CCSER1: variants seen among roughly 807,000 people sequenced by gnomAD.
The protein encoded by CCSER1 is serine-rich coiled-coil domain-containing protein 1.
Under a neutral mutation model 82.0 loss-of-function variants are expected in CCSER1, and 41 were observed. The ratio of observed to expected loss-of-function variants is 0.50; its 90% CI spans 0.39 to 0.65. The LOEUF (loss-of-function observed/expected upper bound fraction) is 0.65. Ranked by LOEUF, CCSER1 falls within the 30% of genes least tolerant of loss-of-function variation. The pLI, the probability that CCSER1 is intolerant of heterozygous loss-of-function variation, is 0.00. For missense variants in CCSER1, 1,119 were observed against 1,064.2 expected, an observed-to-expected ratio of 1.05 and a Z score of -0.72; for synonymous variants, 414 against 383.9, an observed-to-expected ratio of 1.08 and a Z score of -0.92.
chr4:90,868,122 A>G (rs1765971180), intron 8 of CCSER1, among the ~76,000 whole-genome samples: 1 of 152,100 alleles, frequency 6.6e-6, no homozygotes, highest in Admixed American at 6.6e-5. Context: ...TGATATAGGC[A>G]TGCAGTGTAT....
At chr4:91,287,170 A>C (rs1425204048) in intron 10 of CCSER1, among the ~76,000 whole-genome samples, 1 of 151,874 alleles carries the variant, frequency 6.6e-6, no homozygotes, top group African/African-American at 2.4e-5. Context: ...CAATTTTTAA[A>C]TTCAGAATTC....
At chr4:91,558,409 G>T (rs150616139) in intron 10 of CCSER1, among the ~76,000 whole-genome samples, 1 of 151,756 alleles carries the variant, frequency 6.6e-6, no homozygotes, top group East Asian at 1.9e-4. Context: ...AAATATTGCT[G>T]TAACAATGTG....
At chr4:90,914,671 C>CA (rs1466659707) in intron 8 of CCSER1, among the ~76,000 whole-genome samples, 4 of 125,442 alleles carry the variant, frequency 3.2e-5, no homozygotes, top group Non-Finnish European at 6.7e-5. Context: ...AATAGAGACA[C>CA]AAAAAACCCT....
chr4:90,997,924 C>T (rs1291577192), intron 9 of CCSER1, among the ~76,000 whole-genome samples: 2 of 152,058 alleles, frequency 1.3e-5, no homozygotes, highest in African/African-American at 4.8e-5. Flanking sequence ...TATTGAAGTC[C>T]AGCTCTGTAA....
chr4:90,268,542 CA>C (rs1158913903), intron 1 of CCSER1, among the ~76,000 whole-genome samples: 2 of 151,664 alleles, frequency 1.3e-5, no homozygotes, highest in Non-Finnish European at 2.9e-5. Flanking sequence ...AAAAATAAAA[CA>C]GATACACAAA....
At chr4:90,445,427 G>T (rs1464480367) in intron 4 of CCSER1, among the ~76,000 whole-genome samples, 1 of 152,008 alleles carries the variant, frequency 6.6e-6, no homozygotes, top group East Asian at 1.9e-4. Flanking sequence ...GATCTTTGTG[G>T]ACTGGGAGTC....
intron 10 of CCSER1, among the ~76,000 whole-genome samples, chr4:91,546,589 CTCT>C (rs1761902794): frequency 6.6e-6 from 1 of 151,760 alleles, no homozygotes; most frequent in Non-Finnish European, 1.5e-5. Context: ...ATTATGCCAC[CTCT>C]TCTATTTCTA....
chr4:90,622,097 G>T (rs1722423995), intron 5 of CCSER1, among the ~76,000 whole-genome samples: 1 of 152,168 alleles, frequency 6.6e-6, no homozygotes, highest in Non-Finnish European at 1.5e-5. Flanking sequence ...ACATGAGGTG[G>T]AGTGTAGATC....
intron 9 of CCSER1, among the ~76,000 whole-genome samples, chr4:90,963,174 A>C (rs901333925): frequency 6.6e-6 from 1 of 152,122 alleles, no homozygotes; most frequent in South Asian, 2.1e-4. Flanking sequence ...AGATTAGTCT[A>C]TTTAAAGGCG....
chr4:90,832,255 A>G (rs1580690980), intron 8 of CCSER1, among the ~76,000 whole-genome samples: 1 of 152,236 alleles, frequency 6.6e-6, no homozygotes, highest in South Asian at 2.1e-4. Flanking sequence ...ATGTCTGCAA[A>G]TGAAGAGAAA....
intron 6 of CCSER1, among the ~76,000 whole-genome samples, chr4:90,646,970 A>G (rs561921436): frequency 1.3e-5 from 2 of 151,860 alleles, no homozygotes; most frequent in African/African-American, 4.8e-5. Flanking sequence ...ACCCCAACAC[A>G]CATCCTTTTC....
rs1249822514 is a variant in CCSER1, at chr4:91,086,003, G to A, written c.2217+9G>A. On this transcript the variant is annotated intron_variant, in intron 10 of 10. Transcript: ENST00000509176. ...TACAAGGAGGGAGAGAGGTAAGAAT[G>A]TTTAAAGAAGAGGGGTGGGAAAAAG... The A allele has an allele frequency of 2.3e-5, 34 of 1,482,062 alleles. No individual in the cohort carries two copies. The highest frequency in any genetic ancestry group is 3.0e-5 in the Non-Finnish European group (33 of 1,084,216). The allele number at this position is 1,482,062 out of a possible 1,614,324, so 91.8% of individuals were successfully genotyped here.
chr4:91,046,500 T>C (rs1742499616), intron 9 of CCSER1, among the ~76,000 whole-genome samples: 1 of 152,148 alleles, frequency 6.6e-6, no homozygotes, highest in South Asian at 2.1e-4. Context: ...CCATTTACTT[T>C]CTTTTTTATT....
chr4:90,780,541 A>G, intron 7 of CCSER1: 1 of 1,581,734 alleles, frequency 6.3e-7, no homozygotes, highest in Non-Finnish European at 8.6e-7. Flanking sequence ...CAAAAGTTGA[A>G]GATGAAAGGA....
intron 1 of CCSER1, among the ~76,000 whole-genome samples, chr4:90,266,682 C>T (rs1002933200): frequency 3.9e-5 from 6 of 151,996 alleles, no homozygotes; most frequent in African/African-American, 1.5e-4. Flanking sequence ...AGTGAGCAAT[C>T]AGGATTTTGC....
chr4:91,116,350 G>A (rs773370081), intron 10 of CCSER1, among the ~76,000 whole-genome samples: 140 of 152,308 alleles, frequency 9.2e-4, no homozygotes, highest in Non-Finnish European at 9.9e-4. Flanking sequence ...CTCACAGTGT[G>A]CCGCTTGCAA....
chr4:90,329,250 G>A (rs751429871), intron 3 of CCSER1, among the ~76,000 whole-genome samples: 2,687 of 152,152 alleles, frequency 0.018, 41 homozygotes, highest in Non-Finnish European at 0.027. Context: ...TTTGGGAAAG[G>A]ACACTGAACT....
At chr4:91,266,521 G>A (rs1357049498) in intron 10 of CCSER1, among the ~76,000 whole-genome samples, 1 of 152,102 alleles carries the variant, frequency 6.6e-6, no homozygotes, top group East Asian at 1.9e-4. Context: ...AAAGTGCTGG[G>A]ATTACAGACG....
At chr4:91,396,927 C>G (rs1283311475) in intron 10 of CCSER1, among the ~76,000 whole-genome samples, 1 of 151,958 alleles carries the variant, frequency 6.6e-6, no homozygotes, top group Non-Finnish European at 1.5e-5. Flanking sequence ...GGACCATTGA[C>G]CCTCAACCTG....
Sources: allele counts gnomAD v4.1 joint callset (sites outside exome capture counted in the v4.1 genomes callset), GRCh38; gene constraint gnomAD v4.1.1; transcripts MANE v1.5; gene names NCBI Gene and HGNC (gene_info 2026-07-23, HGNC 2026-07-21).